The following WDR62 variants were observed in gnomAD, a reference collection of about 807,000 sequenced individuals.
WDR62 encodes WD repeat domain 62, also known as WD repeat-containing protein 62.
A neutral mutation model predicts 160.6 loss-of-function variants in WDR62; 112 were observed. The observed-to-expected ratio is 0.70, with a 90% CI of 0.60 to 0.82. The LOEUF (loss-of-function observed/expected upper bound fraction) is 0.82, where lower values mean the gene tolerates loss of function less well. Ranked by LOEUF, WDR62 falls within the 40% of genes least tolerant of loss-of-function variation. The pLI, the probability that WDR62 is intolerant of heterozygous loss-of-function variation, is 0.00. For synonymous variants in WDR62, 792 were observed against 815.1 expected (o/e 0.97, Z 0.48); for missense variants, 1,819 against 1,983.8 (o/e 0.92, Z 1.58).
rs754597866 is a variant in WDR62 at position 36,094,021 on chromosome 19, C to T, written c.2334-10C>T. 2 of 1,613,698 alleles carry T rather than the reference C, an allele frequency of 1.2e-6. No homozygotes were observed. The highest frequency in any genetic ancestry group is 1.7e-5 in the Admixed American group (1 of 60,012). On this transcript the variant is annotated splice_polypyrimidine_tract_variant and intron_variant, in intron 19 of 31. Transcript: ENST00000401500. ...TATTCTCTCCTTACCATCCTCATTC[C>T]TGGCTTTAGGCAGGATACGTATGTG...
downstream of WDR62, among the ~76,000 whole-genome samples, chr19:36,110,092 C>G (rs1456525250): frequency 6.6e-6 from 1 of 151,728 alleles, no homozygotes; most frequent in East Asian, 2.0e-4. Context: ...TGGATTGCTT[C>G]TTAGTCTTCT....
At position 36,067,982 on chromosome 19, in the gene WDR62, G is replaced by C; in HGVS notation, c.854G>C (p.Arg285Thr). ...CTCCTCTGCCAGTTCAATGAGAAGA[G>C]GGTGCTGGAGAAGTGGATCAACCTG... ...SGLLCQFNEK[R>T]VLEKWINLKV... Residue 285 changes from arginine (R) to threonine (T), a missense_variant, in exon 7 of 32, where the codon AGG becomes ACG. By Grantham distance (71) the Arg-to-Thr change is moderately conservative. This residue lies in a region of WDR62 where 934 missense variants were observed against 1,157.2 expected (regional missense o/e 0.81). Coordinates refer to ENST00000401500, the MANE Select transcript of WDR62 (RefSeq NM_001083961.2). The C allele has an allele frequency of 6.2e-7, 1 of 1,614,082 alleles. No individual in the cohort carries two copies. Among genetic ancestry groups the C allele is most frequent in the Non-Finnish European group, 8.5e-7 (1 of 1,180,002 alleles).
chr19:36,105,304 C>G (rs1973684857), downstream of WDR62, among the ~76,000 whole-genome samples: 2 of 152,136 alleles, frequency 1.3e-5, no homozygotes, highest in Admixed American at 6.6e-5. Flanking sequence ...CTGCCACAGA[C>G]CAGTGTGAGG....
chr19:36,085,484 G>A (rs1027599672), intron 12 of WDR62, among the ~76,000 whole-genome samples: 1 of 145,408 alleles, frequency 6.9e-6, no homozygotes, highest in East Asian at 2.1e-4. Context: ...GCAATGACGC[G>A]ATCTCAGTTC....
intron 30 of WDR62, 127 bp from the exon 31 acceptor site, chr19:36,104,391 G>A (rs959976991): frequency 3.3e-6 from 4 of 1,228,396 alleles, no homozygotes; most frequent in South Asian, 1.4e-5. Context: ...GAGTGAAGGG[G>A]AGGGAGCCTT....
intron 11 of WDR62, 83 bp downstream of exon 11, chr19:36,083,324 T>G (rs1364668023): frequency 1.5e-6 from 2 of 1,354,708 alleles, no homozygotes; most frequent in Non-Finnish European, 1.0e-6. Context: ...GCCCTGGCCT[T>G]GGCACCTCCT....
intron 20 of WDR62, among the ~76,000 whole-genome samples, chr19:36,095,233 G>A (rs1382900005): frequency 6.6e-6 from 1 of 152,126 alleles, no homozygotes; most frequent in Non-Finnish European, 1.5e-5. Context: ...CTTCATGTTG[G>A]CTTTGCTGAT....
At position 36,103,006 on chromosome 19, in the gene WDR62, A is replaced by C. The variant is rs1287988100; in HGVS notation, c.3394A>C (p.Lys1132Gln). ...GTGCCTTGTGAAGTCTCCAGAGGTCAAGCTCATGGACCGAGGCGGAAGCCA... is the reference window on the plus strand; with the variant it reads ...GTGCCTTGTGAAGTCTCCAGAGGTCCAGCTCATGGACCGAGGCGGAAGCCA... The part of the protein sequence containing the change: ...TQCLVKSPEV[K>Q]LMDRGGSQPR... The change falls in exon 28 of 32, where the codon AAG becomes CAG. Residue 1132 changes from lysine to glutamine, a missense_variant. Lys to Gln is a moderately conservative substitution (Grantham distance 53). Around this residue, in one of 3 missense-constraint regions of WDR62, gnomAD observed 770 missense variants for 734.2 expected, o/e 1.05. Transcript: ENST00000401500. The C allele has an allele frequency of 6.2e-7, 1 of 1,614,096 alleles. No homozygotes were observed. The highest frequency in any genetic ancestry group is 8.5e-7 in the Non-Finnish European group (1 of 1,180,006).
At chr19:36,084,866 G>T in intron 12 of WDR62, 122 bp downstream of exon 12, 3 of 902,772 alleles carry the variant, frequency 3.3e-6, no homozygotes, top group Non-Finnish European at 3.5e-6. Flanking sequence ...TTTTGTGTTC[G>T]GTAAGGGCCC....
rs1210543884 is a variant in WDR62, at chr19:36,089,165, G to C, written c.1837-20G>C. 1.2e-6 allele frequency: 2 copies of C among 1,613,510 alleles called. No individual in the cohort carries two copies. The highest frequency in any genetic ancestry group is 3.3e-5 in the Admixed American group (2 of 59,944). ...GGGGGTTGTCGGGGCATTCTCTGAA[G>C]GTCCTGCCGGCCCTGCCAGGGTTCG... On this transcript the variant is annotated intron_variant, in intron 14 of 31. Coordinates refer to ENST00000401500, the MANE Select transcript of WDR62 (RefSeq NM_001083961.2).
At chr19:36,055,231 C>G (rs1970292999) in intron 1 of WDR62, 83 bp downstream of exon 1, 1 of 1,474,026 alleles carries the variant, frequency 6.8e-7, no homozygotes, top group Non-Finnish European at 9.2e-7. Flanking sequence ...GTGGCCCCGA[C>G]ATCAGCCCCC....
rs775543268 is a variant in WDR62, at chr19:36,089,056, T to A, written c.1787T>A (p.Met596Lys). ...CCCCTAGGCAACAGAGACATCCAGA[T>A]GATCAGCTGTGGGGCTGACAAGAGC... ...IKFAGNRDIQMISCGADKSIY... is the reference protein window; with the variant it reads ...IKFAGNRDIQKISCGADKSIY... The change falls in exon 14 of 32, where the codon ATG becomes AAG. Residue 596 changes from methionine (M) to lysine (K), a missense_variant. Coordinates refer to ENST00000401500, the MANE Select transcript of WDR62 (RefSeq NM_001083961.2). The A allele has an allele frequency of 6.2e-7, 1 of 1,614,074 alleles. No homozygotes were observed. The highest frequency in any genetic ancestry group is 8.5e-7 in the Non-Finnish European group (1 of 1,180,002).
rs1386219187 is a variant in WDR62, at chr19:36,103,746, T to C, written c.3918T>C (p.Asp1306=). 6.2e-7 allele frequency: 1 copy of C among 1,611,528 alleles called. No homozygotes were observed. The change falls in exon 30 of 32, where the codon GAT becomes GAC. Residue 1306 remains aspartate, a synonymous_variant. Coordinates refer to ENST00000401500, the MANE Select transcript of WDR62 (RefSeq NM_001083961.2). ...NLRLTLSSAC[D]GLLQPPVDTQ... is the part of the protein sequence containing the mutation. Reference sequence around the variant, plus strand: ...GACTGACCCTGTCAAGTGCCTGTGATGGGCTCCTGCAGCCCCCCGTGGATA... The same window carrying C: ...GACTGACCCTGTCAAGTGCCTGTGACGGGCTCCTGCAGCCCCCCGTGGATA...
rs75843773 is a variant in WDR62 at position 36,066,717 on chromosome 19, T to C, written c.561+290T>C. On this transcript the variant is annotated intron_variant, in intron 5 of 31. Transcript: ENST00000401500. ...TGTTAGATGGATATAGTAGTACTTA[T>C]CTTGTTGAGTTGTGAGACTTTAATG... Among the ~76,000 whole-genome samples the C allele has an allele frequency of 0.05, 7,619 of 152,282 alleles. 411 individuals are homozygous for C. The highest frequency in any genetic ancestry group is 0.22 in the East Asian group (1,160 of 5,172).
intron 1 of WDR62, 82 bp downstream of exon 1, chr19:36,055,230 A>G: frequency 6.7e-7 from 1 of 1,482,884 alleles, no homozygotes; most frequent in African/African-American, 1.4e-5. Flanking sequence ...TGTGGCCCCG[A>G]CATCAGCCCC....
intron 9 of WDR62, among the ~76,000 whole-genome samples, chr19:36,078,589 C>T (rs1227975370): frequency 6.6e-6 from 1 of 151,678 alleles, no homozygotes; most frequent in Admixed American, 6.6e-5. Context: ...AATCCCAACA[C>T]TTTGGGAGGC....
chr19:36,084,332 CT>C (rs1038220211), intron 11 of WDR62, among the ~76,000 whole-genome samples: 54 of 152,110 alleles, frequency 3.6e-4, no homozygotes, highest in African/African-American at 1.3e-3. Flanking sequence ...CCCCTGGCCC[CT>C]GTCCTACCCC....
At chr19:36,080,168 C>T (rs1370122275) in intron 9 of WDR62, among the ~76,000 whole-genome samples, 2 of 151,702 alleles carry the variant, frequency 1.3e-5, no homozygotes, top group Non-Finnish European at 1.5e-5. Flanking sequence ...AGTGCAGTGG[C>T]GTGATCTCGG....
At chr19:36,067,576 T>G (rs1274735412) in intron 6 of WDR62, 133 bp downstream of exon 6, 16 of 1,339,514 alleles carry the variant, frequency 1.2e-5, no homozygotes, top group Admixed American at 3.5e-5. Flanking sequence ...GCCCAGCTGC[T>G]GCTTCTGGGC....
Sources: gnomAD v4.1 joint callset for allele counts (sites outside exome capture counted in the v4.1 genomes callset) on GRCh38, gnomAD v4.1.1 for gene constraint, gnomAD v4.1.1 regional missense constraint, MANE v1.5 for transcripts, NCBI Gene and HGNC (gene_info 2026-07-23, HGNC 2026-07-21) for gene names.